CIDEA: variants seen among roughly 807,000 people sequenced by gnomAD.
CIDEA encodes the protein cell death inducing DFFA like effector a.
A neutral mutation model predicts 18.2 loss-of-function variants in CIDEA; 10 were observed. That is an observed-to-expected ratio of 0.55 (90% CI 0.34 to 0.93). The LOEUF (loss-of-function observed/expected upper bound fraction) is 0.93. CIDEA is among the 40% of genes least tolerant of loss of function. The pLI, the probability that CIDEA is intolerant of heterozygous loss-of-function variation, is 0.02. For synonymous variants in CIDEA, 128 were observed against 124.8 expected (o/e 1.03, Z -0.17); for missense variants, 309 against 293.1 (o/e 1.05, Z -0.40).
At position 12,262,828 on chromosome 18, in the gene CIDEA, C is replaced by T. The variant is rs1336678555; in HGVS notation, c.42C>T (p.Pro14=). 1.9e-6 allele frequency: 3 copies of T among 1,611,792 alleles called. No individual in the cohort carries two copies. Among genetic ancestry groups the T allele is most frequent in the African/African-American group, 1.3e-5 (1 of 74,902 alleles). The part of the protein sequence containing the change: ...ARDYAGALIR[P]LTFMGSQTKR... ...TACTTTTCACCTCCATTTTCAGGCC[C>T]CTGACATTTATGGGATCACAGACTA... The change falls in exon 2 of 5, where the codon CCC becomes CCT. Residue 14 remains proline (P), a synonymous_variant. Transcript: ENST00000320477.
chr18:12,274,019 G>A, intron 3 of CIDEA, 74 bp from the exon 4 acceptor site: 2 of 1,507,310 alleles, frequency 1.3e-6, no homozygotes, highest in Middle Eastern at 2.1e-4. Flanking sequence ...ATCTGAAGCT[G>A]GCATAAGAGC....
intron 4 of CIDEA, 149 bp from the exon 5 acceptor site, chr18:12,276,974 C>T: frequency 1.2e-6 from 1 of 851,700 alleles, no homozygotes; most frequent in South Asian, 1.6e-5. Flanking sequence ...GGGACACGTG[C>T]ACTCTGAGAG....
At chr18:12,269,646 T>C (rs887414877) in intron 3 of CIDEA, among the ~76,000 whole-genome samples, 26 of 152,222 alleles carry the variant, frequency 1.7e-4, no homozygotes, top group African/African-American at 6.0e-4. Flanking sequence ...CAGCACTTCT[T>C]GTGAGAACAA....
chr18:12,254,632 C>G (rs948371790), intron 1 of CIDEA: 26 of 1,529,180 alleles, frequency 1.7e-5, no homozygotes, highest in East Asian at 2.5e-5. Flanking sequence ...AGAGCCCAAT[C>G]CCGTCCCGCG....
chr18:12,275,058 C>T (rs564339216), intron 4 of CIDEA, among the ~76,000 whole-genome samples: 3 of 152,336 alleles, frequency 2.0e-5, no homozygotes, highest in Non-Finnish European at 4.4e-5. Flanking sequence ...CATGGTGGCT[C>T]ACACCTATAA....
chr18:12,268,802 A>G (rs1434688001), intron 3 of CIDEA, among the ~76,000 whole-genome samples: 4 of 152,050 alleles, frequency 2.6e-5, no homozygotes, highest in South Asian at 4.2e-4. Context: ...ATTAAAAGTA[A>G]TAACCCAATA....
chr18:12,259,202 C>T (rs1480303654), intron 1 of CIDEA, among the ~76,000 whole-genome samples: 1 of 152,200 alleles, frequency 6.6e-6, no homozygotes, highest in Admixed American at 6.5e-5. Flanking sequence ...CAACCCAGCA[C>T]ATTTCCCTCG....
chr18:12,277,125 G>A lies in CIDEA; in HGVS notation c.515G>A (p.Ser172Asn), dbSNP rs150952987. The change falls in exon 5 of 5, where the codon AGT becomes AAT. Residue 172 changes from serine (S) to asparagine (N), a missense_variant and splice_region_variant. Transcript: ENST00000320477. ...RCTGLKGLLR[S>N]LLRFLSYSAQ... is the part of the protein sequence containing the mutation. ...CTCCCCATCTGCCTCTGCCACAGGA[G>A]TCTGCTGCGGTTCCTGTCCTACTCC... is the stretch of plus-strand genomic sequence containing the variant. 6.2e-7 allele frequency: 1 copy of A among 1,614,062 alleles called. No homozygotes were observed. Among genetic ancestry groups the A allele is most frequent in the South Asian group, 1.1e-5 (1 of 91,072 alleles).
At chr18:12,260,396 G>T (rs1912158141) in intron 1 of CIDEA, among the ~76,000 whole-genome samples, 1 of 151,844 alleles carries the variant, frequency 6.6e-6, no homozygotes, top group Non-Finnish European at 1.5e-5. Context: ...ATGTTGCCCA[G>T]ATTGGTCTCT....
At chr18:12,268,401 GT>G (rs1912420122) in intron 3 of CIDEA, among the ~76,000 whole-genome samples, 1 of 113,634 alleles carries the variant, frequency 8.8e-6, no homozygotes, top group Non-Finnish European at 1.8e-5. Flanking sequence ...TTTTTAATTT[GT>G]TTGCTTTTTG....
chr18:12,254,869 C>A, intron 1 of CIDEA: 1 of 1,326,274 alleles, frequency 7.5e-7, no homozygotes, highest in Non-Finnish European at 1.0e-6. Context: ...GGGAGCTGGG[C>A]GCGGGAGGGG....
intron 1 of CIDEA, chr18:12,254,847 G>A: frequency 7.5e-7 from 1 of 1,335,970 alleles, no homozygotes; most frequent in Non-Finnish European, 9.9e-7. Flanking sequence ...TGGGGGTCCT[G>A]GAAATCACAA....
intron 3 of CIDEA, among the ~76,000 whole-genome samples, chr18:12,266,069 A>AT (rs968122680): frequency 8.5e-5 from 13 of 152,290 alleles, no homozygotes; most frequent in African/African-American, 2.9e-4. Context: ...ACCAAAAAAA[A>AT]TTTTTTTAAG....
intron 3 of CIDEA, among the ~76,000 whole-genome samples, chr18:12,272,170 G>GGGT (rs1912564083): frequency 5.1e-5 from 1 of 19,618 alleles, no homozygotes; most frequent in African/African-American, 1.5e-4. Flanking sequence ...GGTTGGGGGG[G>GGGT]GGTTGTTGTT....
chr18:12,262,286 T>TTCTAAGGG (rs2144065635), intron 1 of CIDEA, among the ~76,000 whole-genome samples: 1 of 152,326 alleles, frequency 6.6e-6, no homozygotes, highest in East Asian at 1.9e-4. Flanking sequence ...CCAGCCACAG[T>TTCTAAGGG]TCTAAGGGTG....
chr18:12,255,768 T>A (rs1406145438), intron 1 of CIDEA, among the ~76,000 whole-genome samples: 1 of 152,188 alleles, frequency 6.6e-6, no homozygotes, highest in East Asian at 1.9e-4. Flanking sequence ...GCTGAGCCTG[T>A]CCCTGCCTCT....
intron 1 of CIDEA, among the ~76,000 whole-genome samples, chr18:12,256,269 G>A (rs9954496): frequency 2.0e-5 from 3 of 152,130 alleles, no homozygotes; most frequent in Non-Finnish European, 2.9e-5. Context: ...GCTGGACTTC[G>A]GCTTCCTCTC....
At chr18:12,254,543 A>G in intron 1 of CIDEA, 122 bp downstream of exon 1, 1 of 1,240,904 alleles carries the variant, frequency 8.1e-7, no homozygotes. Context: ...TGCTCCCCGC[A>G]TTCTCTTGCG....
Position 12,273,063 on chromosome 18 carries a change from G to A in CIDEA, c.331-1030G>A, listed in dbSNP as rs536207243. Among the ~76,000 whole-genome samples, 3 of 152,104 alleles carry A rather than the reference G, an allele frequency of 2.0e-5. No individual in the cohort carries two copies. In the East Asian group the frequency reaches 5.8e-4, roughly 30 times the overall value. Reference sequence around the variant, plus strand: ...AGATTCCTAATCCATACATACCCCAGATCTATTCAAACAAATTCTGTATGA... The same window carrying A: ...AGATTCCTAATCCATACATACCCCAAATCTATTCAAACAAATTCTGTATGA... On this transcript the variant is annotated intron_variant, in intron 3 of 4. Transcript: ENST00000320477.
Sources: allele counts gnomAD v4.1 joint callset (sites outside exome capture counted in the v4.1 genomes callset), GRCh38; gene constraint gnomAD v4.1.1; transcripts MANE v1.5; gene names NCBI Gene and HGNC (gene_info 2026-07-23, HGNC 2026-07-21).